Variants in TEKTL1 observed in about 807,000 individuals in gnomAD.
The protein encoded by TEKTL1 is tektin-like protein 1.
At chr19:15,018,732 A>ATATATAT in the TEKTL1 span, among the ~76,000 whole-genome samples, 35 of 78,444 alleles carry the variant, frequency 4.5e-4, no homozygotes, top group African/African-American at 5.8e-4. Flanking sequence ...ATATATATAT[A>ATATATAT]ACTTCCCTGG....
At chr19:15,021,914 G>A in the TEKTL1 span, 2 of 1,612,652 alleles carry the variant, frequency 1.2e-6, no homozygotes, top group South Asian at 1.1e-5. Flanking sequence ...TGCGCGCCTC[G>A]CACAGGTAAA....
At chr19:15,016,598 T>G in the TEKTL1 span, among the ~76,000 whole-genome samples, 2 of 152,234 alleles carry the variant, frequency 1.3e-5, no homozygotes, top group Non-Finnish European at 2.9e-5. Context: ...TTAAGTCTGC[T>G]TTTTAACCAA....
the TEKTL1 span, among the ~76,000 whole-genome samples, chr19:15,016,374 G>C: frequency 6.6e-6 from 1 of 151,794 alleles, no homozygotes; most frequent in Non-Finnish European, 1.5e-5. Flanking sequence ...ATTTTTAGTA[G>C]AGACGTGGTT....
At chr19:15,020,996 C>T in the TEKTL1 span, among the ~76,000 whole-genome samples, 1 of 151,934 alleles carries the variant, frequency 6.6e-6, no homozygotes, top group Non-Finnish European at 1.5e-5. Context: ...TCTCCTGCCT[C>T]GGCCTCCTGA....
the TEKTL1 span, chr19:15,011,321 AGCGAAGT>A: frequency 1.3e-6 from 2 of 1,519,084 alleles, no homozygotes; most frequent in Non-Finnish European, 1.8e-6. Flanking sequence ...CCACAGGCTC[AGCGAAGT>A]GCGCAAGGGT....
At chr19:15,015,987 T>C in the TEKTL1 span, among the ~76,000 whole-genome samples, 2 of 152,066 alleles carry the variant, frequency 1.3e-5, no homozygotes, top group Admixed American at 6.6e-5. Context: ...CTAAACTGCA[T>C]TTGAATAAGC....
chr19:15,011,177 C>A, the TEKTL1 span: 2 of 1,493,830 alleles, frequency 1.3e-6, no homozygotes, highest in Non-Finnish European at 8.9e-7. Context: ...CCGCAAAGCG[C>A]GCGCCCTGCA....
the TEKTL1 span, among the ~76,000 whole-genome samples, chr19:15,018,077 A>T: frequency 9.9e-5 from 15 of 152,074 alleles, no homozygotes; most frequent in African/African-American, 2.7e-4. Context: ...GAAGGAAACC[A>T]ATTTCTCAGA....
At chr19:15,023,206 C>T in the TEKTL1 span, 32 of 1,221,046 alleles carry the variant, frequency 2.6e-5, no homozygotes, top group South Asian at 4.8e-4. Context: ...CCCTCCCTCT[C>T]CCCTGACGCA....
chr19:15,020,497 T>C, the TEKTL1 span: 2 of 1,613,630 alleles, frequency 1.2e-6, no homozygotes, highest in East Asian at 4.5e-5. Context: ...GAACTTCTGC[T>C]TCAAGGAGCG....
the TEKTL1 span, among the ~76,000 whole-genome samples, chr19:15,020,126 A>G: frequency 6.6e-6 from 1 of 151,768 alleles, no homozygotes; most frequent in African/African-American, 2.4e-5. Flanking sequence ...TAGACAACAT[A>G]GTCAGACCCC....
the TEKTL1 span, among the ~76,000 whole-genome samples, chr19:15,017,325 T>C: frequency 7.2e-5 from 11 of 152,178 alleles, no homozygotes; most frequent in Admixed American, 1.3e-4. Context: ...GAGAAATGTA[T>C]GGCATGATGG....
the TEKTL1 span, among the ~76,000 whole-genome samples, chr19:15,014,310 C>T: frequency 6.6e-6 from 1 of 152,136 alleles, no homozygotes; most frequent in African/African-American, 2.4e-5. Context: ...TTAAGGTTCG[C>T]TGGAAATTTG....
the TEKTL1 span, chr19:15,023,081 ACGC>A: frequency 5.0e-6 from 8 of 1,608,238 alleles, no homozygotes; most frequent in Non-Finnish European, 6.8e-6. Context: ...GGACCCGCGC[ACGC>A]CGCCGCCGCG....
the TEKTL1 span, among the ~76,000 whole-genome samples, chr19:15,020,108 G>A: frequency 6.6e-6 from 1 of 151,466 alleles, no homozygotes; most frequent in African/African-American, 2.4e-5. Context: ...AGGAGTTCAA[G>A]ACCAGCCTAG....
the TEKTL1 span, chr19:15,022,876 C>G: frequency 6.3e-7 from 1 of 1,589,702 alleles, no homozygotes; most frequent in Non-Finnish European, 8.6e-7. Context: ...TCCAGGGCAC[C>G]GACAAGCTGC....
chr19:15,018,538 G>A, the TEKTL1 span, among the ~76,000 whole-genome samples: 484 of 150,326 alleles, frequency 3.2e-3, no homozygotes, highest in African/African-American at 0.011. Context: ...GTAAGACCGC[G>A]TCCCTACAAA....
the TEKTL1 span, among the ~76,000 whole-genome samples, chr19:15,016,428 C>CT: frequency 1.1e-4 from 1 of 8,784 alleles, no homozygotes; most frequent in East Asian, 3.0e-3. Flanking sequence ...GACCTCGTGA[C>CT]CACCTGCCTC....
chr19:15,015,963 G>C, the TEKTL1 span, among the ~76,000 whole-genome samples: 1 of 152,144 alleles, frequency 6.6e-6, no homozygotes, highest in East Asian at 1.9e-4. Context: ...GTTGACTCCA[G>C]GCAGGCTCCT....
Sources: gnomAD v4.1 joint callset for allele counts (sites outside exome capture counted in the v4.1 genomes callset) on GRCh38, gnomAD v4.1.1 for gene constraint, MANE v1.5 for transcripts, NCBI Gene and HGNC (gene_info 2026-07-23, HGNC 2026-07-21) for gene names.